Variants in PCDH11X observed in about 807,000 individuals in gnomAD.
PCDH11X encodes protocadherin-11 X-linked.
PCDH11X carries 18 observed loss-of-function variants against 53.3 expected under a neutral mutation model. The ratio of observed to expected loss-of-function variants is 0.34; its 90% CI spans 0.23 to 0.50. The LOEUF (loss-of-function observed/expected upper bound fraction) is 0.50. Ranked by LOEUF, PCDH11X falls within the 20% of genes least tolerant of loss-of-function variation. PCDH11X has a pLI of 0.98. For synonymous variants in PCDH11X, 279 were observed against 393.3 expected, an observed-to-expected ratio of 0.71 and a Z score of 3.44; for missense variants, 570 against 1,032.4, an observed-to-expected ratio of 0.55 and a Z score of 6.14.
chrX:92,491,151 G>T (rs2073757356), intron 10 of PCDH11X, among the ~76,000 whole-genome samples: 1 of 110,416 alleles, frequency 9.1e-6, no homozygotes, highest in Admixed American at 9.7e-5. Context: ...TAAAAAATAT[G>T]GCTTAACTGT....
At chrX:92,132,616 A>G (rs1188684161) in intron 6 of PCDH11X, among the ~76,000 whole-genome samples, 2 of 88,183 alleles carry the variant, frequency 2.3e-5, no homozygotes, top group Non-Finnish European at 4.3e-5. Flanking sequence ...TCAAAAGAAA[A>G]AAAGAAATAT....
chrX:92,446,534 T>C (rs2755063), intron 9 of PCDH11X, among the ~76,000 whole-genome samples: 1 of 111,044 alleles, frequency 9.0e-6, no homozygotes, highest in South Asian at 3.8e-4. Context: ...CTGCACAAGC[T>C]CTCTCTTTGC....
At chrX:92,370,798 G>C (rs1439010172) in intron 8 of PCDH11X, among the ~76,000 whole-genome samples, 1 of 111,893 alleles carries the variant, frequency 8.9e-6, no homozygotes, top group Non-Finnish European at 1.9e-5. Context: ...TCTGGTTCTA[G>C]CCATTATTGA....
intron 1 of PCDH11X, chrX:91,798,165 C>A (rs1935805626): frequency 9.0e-6 from 1 of 111,229 alleles, no homozygotes. Context: ...GATATATCCT[C>A]TGTCCGAGGA....
rs1935050339 is a variant in PCDH11X, at chrX:91,779,408, T to G, written c.-655T>G. 2 of 108,906 alleles carry G rather than the reference T, an allele frequency of 1.8e-5. No homozygotes were observed. Among genetic ancestry groups the G allele is most frequent in the African/African-American group, 3.3e-5 (1 of 29,856 alleles). The allele number at this position is 108,906 out of a possible 1,213,427, so 9.0% of individuals were successfully genotyped here. A position where few individuals can be genotyped will look rare whatever the true frequency, so the allele number is the denominator to read the frequency against. ...CGAACTGTCGGGGCGGGAGGAGCCG[T>G]GAGCAGTAGCTGCACTCAGCTGCCC... On this transcript the variant is annotated 5_prime_UTR_variant, in exon 1 of 11. Coordinates refer to ENST00000682573, the MANE Select transcript of PCDH11X (RefSeq NM_032968.5).
rs1488959334 is a variant in PCDH11X, at chrX:91,977,555, C to T, written c.3033+98282C>T. ...TATGAGTGAACTGAGTCAATGAGCA[C>T]ATGTTAAGCATTTGTAGTGAATATC... On this transcript the variant is annotated intron_variant, in intron 6 of 10. Coordinates refer to ENST00000682573, the MANE Select transcript of PCDH11X (RefSeq NM_032968.5). 7.2e-5 allele frequency among the ~76,000 whole-genome samples: 8 copies of T among 111,400 alleles called. No homozygotes were observed. In the South Asian group the frequency reaches 3.0e-3, roughly 42 times the overall value.
intron 8 of PCDH11X, among the ~76,000 whole-genome samples, chrX:92,383,827 T>C (rs189390766): frequency 1.8e-5 from 2 of 112,054 alleles, no homozygotes; most frequent in African/African-American, 6.5e-5. Context: ...TTATAATCCT[T>C]TGGGTATATA....
At chrX:92,224,072 T>G (rs1010619349) in intron 7 of PCDH11X, among the ~76,000 whole-genome samples, 4 of 111,831 alleles carry the variant, frequency 3.6e-5, no homozygotes, top group African/African-American at 1.3e-4. Context: ...TCTTAAGTAC[T>G]CTGATACAAG....
At chrX:92,205,554 A>G (rs1243783019) in intron 7 of PCDH11X, among the ~76,000 whole-genome samples, 1 of 110,148 alleles carries the variant, frequency 9.1e-6, no homozygotes, top group Admixed American at 9.8e-5. Flanking sequence ...AGACATTATA[A>G]TATAACACTT....
intron 7 of PCDH11X, among the ~76,000 whole-genome samples, chrX:92,249,953 G>T (rs1184704096): frequency 9.0e-6 from 1 of 110,638 alleles, no homozygotes; most frequent in East Asian, 2.8e-4. Flanking sequence ...CTTTTTTTCG[G>T]ACTTTAACAG....
intron 9 of PCDH11X, among the ~76,000 whole-genome samples, chrX:92,407,699 A>G (rs1019490432): frequency 9.1e-6 from 1 of 109,376 alleles, no homozygotes; most frequent in Non-Finnish European, 1.9e-5. Flanking sequence ...GGCATGTGTC[A>G]TCTTTCAGTC....
At chrX:92,410,148 A>C (rs985650872) in intron 9 of PCDH11X, among the ~76,000 whole-genome samples, 1 of 111,450 alleles carries the variant, frequency 9.0e-6, no homozygotes, top group African/African-American at 3.3e-5. Context: ...TTTTTAAAGA[A>C]ATATCTCTTA....
chrX:92,255,059 C>A (rs1481489681), intron 7 of PCDH11X, among the ~76,000 whole-genome samples: 1 of 100,494 alleles, frequency 1.0e-5, no homozygotes, highest in Non-Finnish European at 2.0e-5. Context: ...TCCATTCTCC[C>A]CATCACTTTC....
chrX:92,329,412 G>T (rs879124837), intron 8 of PCDH11X, among the ~76,000 whole-genome samples: 23 of 111,369 alleles, frequency 2.1e-4, no homozygotes, highest in East Asian at 5.7e-4. Context: ...ATGGAGATCA[G>T]TTAGAGGGTT....
chrX:92,163,607 G>C (rs1408704169), intron 6 of PCDH11X, among the ~76,000 whole-genome samples: 1 of 111,337 alleles, frequency 9.0e-6, no homozygotes, highest in Non-Finnish European at 1.9e-5. Context: ...AGACCCTCAG[G>C]TTCCCCAGTG....
intron 8 of PCDH11X, among the ~76,000 whole-genome samples, chrX:92,304,744 C>A (rs867200985): frequency 1.8e-5 from 2 of 112,100 alleles, no homozygotes; most frequent in South Asian, 7.3e-4. Context: ...TAAACTCTTT[C>A]TAGCCTATCC....
intron 6 of PCDH11X, among the ~76,000 whole-genome samples, chrX:92,032,383 G>C (rs1253871335): frequency 9.0e-6 from 1 of 110,956 alleles, no homozygotes; most frequent in Non-Finnish European, 1.9e-5. Context: ...TGTTCTTGTG[G>C]GGTCCTTAGG....
chrX:92,490,020 A>G (rs960451560), intron 10 of PCDH11X, among the ~76,000 whole-genome samples: 3 of 108,333 alleles, frequency 2.8e-5, no homozygotes, highest in Non-Finnish European at 5.7e-5. Flanking sequence ...AGAAAGATAT[A>G]CAACTTTGTA....
chrX:92,577,082 T>C (rs2148781491), intron 10 of PCDH11X, among the ~76,000 whole-genome samples: 1 of 108,610 alleles, frequency 9.2e-6, no homozygotes, highest in South Asian at 3.8e-4. Context: ...GAGTTGTCCC[T>C]CCTTTTCCAT....
Sources: allele counts gnomAD v4.1 joint callset (sites outside exome capture counted in the v4.1 genomes callset), GRCh38; gene constraint gnomAD v4.1.1; transcripts MANE v1.5; gene names NCBI Gene and HGNC (gene_info 2026-07-23, HGNC 2026-07-21).